Variants in COL26A1 observed in about 807,000 individuals in gnomAD.
COL26A1 encodes collagen type XXVI alpha 1 chain.
In COL26A1, 41 loss-of-function variants were observed where a neutral mutation model predicts 59.3. The ratio of observed to expected loss-of-function variants is 0.69; its 90% CI spans 0.54 to 0.90. The LOEUF is 0.90. COL26A1 is among the 40% of genes least tolerant of loss of function. COL26A1 has a pLI of 0.00. For missense variants in COL26A1, 612 were observed against 602.3 expected (o/e 1.02, Z -0.17); for synonymous variants, 266 against 256.0 (o/e 1.04, Z -0.37).
intron 3 of COL26A1, among the ~76,000 whole-genome samples, chr7:101,491,740 T>C (rs2130532586): frequency 6.6e-6 from 1 of 152,262 alleles, no homozygotes; most frequent in South Asian, 2.1e-4. Flanking sequence ...CATCTTGGTT[T>C]TGGTGGGTTT....
intron 3 of COL26A1, among the ~76,000 whole-genome samples, chr7:101,484,520 AC>A (rs1794227196): frequency 6.6e-6 from 1 of 150,376 alleles, no homozygotes; most frequent in South Asian, 2.1e-4. Flanking sequence ...ACAGGTGCCC[AC>A]CACCACACCC....
chr7:101,536,263 G>T (rs1323582636), intron 4 of COL26A1, among the ~76,000 whole-genome samples: 2 of 152,240 alleles, frequency 1.3e-5, no homozygotes, highest in African/African-American at 4.8e-5. Flanking sequence ...TGATCTGCTC[G>T]CCTTGGCCTC....
rs527712069 is a variant in COL26A1, at chr7:101,397,776, A to G, written c.159-22201A>G. On this transcript the variant is annotated intron_variant, in intron 1 of 12. Transcript: ENST00000313669. The stretch of plus-strand genomic sequence containing the variant: ...TGGTCTCGAACTCCTGGCTTCAAGC[A>G]GTCTTCCCACCTCAGCCCCCCAAGG... Among the ~76,000 whole-genome samples the G allele has an allele frequency of 2.6e-5, 4 of 152,204 alleles. No individual in the cohort carries two copies. The South Asian group carries it at 8.3e-4, about 32-fold the overall frequency.
intron 3 of COL26A1, among the ~76,000 whole-genome samples, chr7:101,465,544 A>G (rs1333366733): frequency 1.3e-5 from 2 of 152,050 alleles, no homozygotes; most frequent in Admixed American, 1.3e-4. Flanking sequence ...ATACAAAAAA[A>G]TCAGTCGGGC....
At chr7:101,477,678 TA>T (rs1794078483) in intron 3 of COL26A1, among the ~76,000 whole-genome samples, 1 of 152,230 alleles carries the variant, frequency 6.6e-6, no homozygotes, top group Non-Finnish European at 1.5e-5. Flanking sequence ...CTCCTAAGAA[TA>T]AGCCTCCAGA....
intron 2 of COL26A1, among the ~76,000 whole-genome samples, chr7:101,423,101 C>T (rs898756391): frequency 1.3e-5 from 2 of 152,032 alleles, no homozygotes; most frequent in Admixed American, 6.6e-5. Context: ...CCTGTCTCCA[C>T]TAAAAATACG....
chr7:101,457,579 C>G (rs1225736479), intron 3 of COL26A1, among the ~76,000 whole-genome samples: 1 of 152,060 alleles, frequency 6.6e-6, no homozygotes, highest in Non-Finnish European at 1.5e-5. Context: ...GAGCAAAGAC[C>G]CCCAGCGTGT....
chr7:101,440,058 G>T (rs1793015012), intron 2 of COL26A1, among the ~76,000 whole-genome samples: 1 of 152,084 alleles, frequency 6.6e-6, no homozygotes, highest in South Asian at 2.1e-4. Context: ...CCCTAAACTG[G>T]ATCTGCATTT....
chr7:101,407,326 C>T (rs529223997), intron 1 of COL26A1, among the ~76,000 whole-genome samples: 6 of 152,116 alleles, frequency 3.9e-5, no homozygotes, highest in East Asian at 1.9e-4. Context: ...TGTCTCTGCT[C>T]GATATTCCTG....
chr7:101,421,547 C>T (rs761496239), intron 2 of COL26A1, among the ~76,000 whole-genome samples: 4 of 151,758 alleles, frequency 2.6e-5, no homozygotes, highest in East Asian at 1.9e-4. Flanking sequence ...TGGTGGTGGG[C>T]GCCTGCAATC....
chr7:101,542,386 C>T (rs1440632716), intron 5 of COL26A1, among the ~76,000 whole-genome samples: 1 of 152,192 alleles, frequency 6.6e-6, no homozygotes, highest in Non-Finnish European at 1.5e-5. Context: ...CAGGTGTGAG[C>T]TAGCGCACCC....
chr7:101,376,164 T>C (rs1791314492), intron 1 of COL26A1, among the ~76,000 whole-genome samples: 2 of 145,622 alleles, frequency 1.4e-5, no homozygotes, highest in African/African-American at 2.5e-5. Flanking sequence ...GAATAGAAAC[T>C]AGCCAGGTGT....
intron 3 of COL26A1, among the ~76,000 whole-genome samples, chr7:101,482,781 A>T (rs1347998597): frequency 6.6e-6 from 1 of 152,124 alleles, no homozygotes; most frequent in African/African-American, 2.4e-5. Flanking sequence ...ACATGGTGAA[A>T]ACCTATCTCT....
At chr7:101,371,863 C>G (rs1791203074) in intron 1 of COL26A1, among the ~76,000 whole-genome samples, 1 of 152,014 alleles carries the variant, frequency 6.6e-6, no homozygotes, top group South Asian at 2.1e-4. Flanking sequence ...GAAAACAGAT[C>G]CATGAGCAAG....
chr7:101,454,100 C>G (rs895587897), intron 3 of COL26A1, among the ~76,000 whole-genome samples: 28 of 152,146 alleles, frequency 1.8e-4, no homozygotes, highest in Non-Finnish European at 5.9e-5. Flanking sequence ...CAATAACTTG[C>G]AGCGGTCATT....
intron 6 of COL26A1, among the ~76,000 whole-genome samples, chr7:101,544,476 C>T (rs1166840135): frequency 6.6e-6 from 1 of 151,562 alleles, no homozygotes; most frequent in East Asian, 1.9e-4. Context: ...ATCCACCCAC[C>T]TTGGCCTCCC....
At chr7:101,425,800 C>G (rs921254701) in intron 2 of COL26A1, among the ~76,000 whole-genome samples, 1 of 151,118 alleles carries the variant, frequency 6.6e-6, no homozygotes, top group African/African-American at 2.4e-5. Flanking sequence ...AGCCACCATG[C>G]CCGGCCCCCA....
At chr7:101,499,179 G>A (rs992431036) in intron 3 of COL26A1, among the ~76,000 whole-genome samples, 8 of 152,160 alleles carry the variant, frequency 5.3e-5, no homozygotes, top group Admixed American at 5.2e-4. Context: ...TGGGGACTGT[G>A]TGTCCACAGC....
rs1792371460 is a variant in COL26A1, at chr7:101,416,389, C to T, written c.159-3588C>T. 1.4e-5 allele frequency among the ~76,000 whole-genome samples: 2 copies of T among 143,710 alleles called. 1 individual carries two copies. Among genetic ancestry groups the T allele is most frequent in the South Asian group, 4.6e-4 (2 of 4,314 alleles). The allele number at this position is 143,710 out of a possible 152,430, so 94.3% of individuals were successfully genotyped here. A position where few individuals can be genotyped will look rare whatever the true frequency, so the allele number is the denominator to read the frequency against. On this transcript the variant is annotated intron_variant, in intron 1 of 12. Coordinates refer to ENST00000313669, the MANE Select transcript of COL26A1 (RefSeq NM_001278563.3). Reference sequence around the variant, plus strand: ...ACCTCAAGTGATCCACCCACCTCGGCCTCCCAAAGTACTGGGATTACAGGC... The same window carrying T: ...ACCTCAAGTGATCCACCCACCTCGGTCTCCCAAAGTACTGGGATTACAGGC...
Sources: allele counts gnomAD v4.1 joint callset (sites outside exome capture counted in the v4.1 genomes callset), GRCh38; gene constraint gnomAD v4.1.1; transcripts MANE v1.5; gene names NCBI Gene and HGNC (gene_info 2026-07-23, HGNC 2026-07-21).